Variants in DGKZ observed in about 807,000 individuals in gnomAD.
DGKZ encodes diacylglycerol kinase zeta, also known as DAG kinase zeta.
A neutral mutation model predicts 142.5 loss-of-function variants in DGKZ; 45 were observed. The ratio of observed to expected loss-of-function variants is 0.32; its 90% confidence interval spans 0.25 to 0.40. The LOEUF (loss-of-function observed/expected upper bound fraction) is 0.40. Ranked by LOEUF, DGKZ falls within the 10% of genes least tolerant of loss-of-function variation. DGKZ has a pLI of 1.00. For missense variants in DGKZ, 755 were observed against 1,306.5 expected, an observed-to-expected ratio of 0.58 and a Z score of 6.51; for synonymous variants, 442 against 527.0, an observed-to-expected ratio of 0.84 and a Z score of 2.21.
At chr11:46,345,807 T>C (rs1014959085), upstream of DGKZ, among the ~76,000 whole-genome samples, 3 of 152,062 alleles carry the variant, frequency 2.0e-5, no homozygotes, top group African/African-American at 4.8e-5. The surrounding 1 kb of genome is among the most constrained non-coding windows in gnomAD (Gnocchi z 4.1). Flanking sequence ...TTGAGCAAGC[T>C]AGCAGTGGGG....
chr11:46,334,438 G>A (rs940282501), intron 1 of DGKZ, among the ~76,000 whole-genome samples: 2 of 152,218 alleles, frequency 1.3e-5, no homozygotes, highest in African/African-American at 4.8e-5. Context: ...ACCATGGGGT[G>A]TTTGGGATAT....
rs539013317 is a variant in DGKZ at position 46,350,356 on chromosome 11, CTTTG to C, written c.161+2547_161+2550del. Reference sequence around the variant, plus strand: ...AATGCTGCTTGGCTGGTCCTGCTACCTTTGTTTGTTTGTTGCAGCCTCAGGTAAA... The same window carrying C: ...AATGCTGCTTGGCTGGTCCTGCTACCTTTGTTTGTTGCAGCCTCAGGTAAA... On this transcript the variant is annotated intron_variant, in intron 1 of 30. Transcript: ENST00000527911. Among the ~76,000 whole-genome samples the C allele has an allele frequency of 3.3e-3, 495 of 152,266 alleles. 2 individuals are homozygous for C. Among genetic ancestry groups the C allele is most frequent in the South Asian group, 0.016 (77 of 4,820 alleles).
chr11:46,343,269 T>C (rs1310748824), upstream of DGKZ, among the ~76,000 whole-genome samples: 3 of 152,244 alleles, frequency 2.0e-5, no homozygotes, highest in African/African-American at 7.2e-5. Flanking sequence ...CATTGTTTTA[T>C]GATTACTGAG....
upstream of DGKZ, among the ~76,000 whole-genome samples, chr11:46,346,406 G>T (rs1590390368): frequency 6.6e-6 from 1 of 152,134 alleles, no homozygotes; most frequent in African/African-American, 2.4e-5. Context: ...GCCCTGCGGG[G>T]GCCATCAGAA....
chr11:46,364,245 C>G, intron 1 of DGKZ: 2 of 746,772 alleles, frequency 2.7e-6, no homozygotes, highest in Non-Finnish European at 4.1e-6. Context: ...TCTAGGCGGT[C>G]ACCTCTGCGT....
Position 46,372,178 on chromosome 11 carries a change from C to A in DGKZ, c.927+8C>A. On this transcript the variant is annotated splice_region_variant and intron_variant, in intron 10 of 30. Coordinates refer to ENST00000527911, the Ensembl canonical transcript of DGKZ. This position sits in a 1 kb window ranked among gnomAD's most constrained non-coding sequence, Gnocchi z 5.9. Reference sequence around the variant, plus strand: ...AAGAGTGGGGGCAACCAGGTGAACGCGGCCTTGCCTCTCAGCTAAGGGCTC... The same window carrying A: ...AAGAGTGGGGGCAACCAGGTGAACGAGGCCTTGCCTCTCAGCTAAGGGCTC... 2 of 1,599,490 alleles carry A rather than the reference C, an allele frequency of 1.3e-6. No homozygotes were observed. The highest frequency in any genetic ancestry group is 1.7e-5 in the Admixed American group (1 of 58,984).
intron 1 of DGKZ, among the ~76,000 whole-genome samples, chr11:46,357,390 A>T (rs1730059707): frequency 6.6e-6 from 1 of 152,082 alleles, no homozygotes; most frequent in African/African-American, 2.4e-5. Context: ...TCCAGGTGTC[A>T]CTCTTGGGGT....
chr11:46,353,030 G>A (rs982934966), intron 1 of DGKZ, among the ~76,000 whole-genome samples: 1 of 152,226 alleles, frequency 6.6e-6, no homozygotes, highest in Non-Finnish European at 1.5e-5. Context: ...TGAGACCAAG[G>A]GCTCTGTGGC....
At chr11:46,375,083 G>C (rs956047885) in intron 19 of DGKZ, 38 bp downstream of exon 19, 5 of 1,524,954 alleles carry the variant, frequency 3.3e-6, no homozygotes, top group Non-Finnish European at 4.4e-6. Context: ...TGGGAGCACA[G>C]CCCAAAGGTG....
chr11:46,377,263 T>C (rs774015743), intron 25 of DGKZ, 51 bp downstream of exon 25: 4 of 1,530,512 alleles, frequency 2.6e-6, no homozygotes, highest in Non-Finnish European at 3.5e-6. Context: ...GCCCCACCTG[T>C]AAGCCGATGA....
chr11:46,348,290 C>T (rs1308260256), intron 1 of DGKZ, among the ~76,000 whole-genome samples: 1 of 152,220 alleles, frequency 6.6e-6, no homozygotes, highest in Non-Finnish European at 1.5e-5. Flanking sequence ...ACCAGGTTGC[C>T]TACCATCACT....
At chr11:46,356,369 C>T (rs1017969100) in intron 1 of DGKZ, among the ~76,000 whole-genome samples, 42 of 152,134 alleles carry the variant, frequency 2.8e-4, no homozygotes, top group Non-Finnish European at 2.9e-4. Context: ...GTGCTGTCAG[C>T]GGGATCCATG....
At chr11:46,343,580 T>C (rs899765136), upstream of DGKZ, among the ~76,000 whole-genome samples, 4 of 152,230 alleles carry the variant, frequency 2.6e-5, no homozygotes. Context: ...GTCCTAAGAA[T>C]AAAGAGTGAA....
At chr11:46,375,183 C>A in intron 19 of DGKZ, 138 bp downstream of exon 19, 1 of 890,788 alleles carries the variant, frequency 1.1e-6, no homozygotes, top group Non-Finnish European at 1.7e-6. Flanking sequence ...GGCTTGAGAG[C>A]GGCACCTACC....
At chr11:46,357,558 T>C (rs1942174291) in intron 1 of DGKZ, among the ~76,000 whole-genome samples, 1 of 152,248 alleles carries the variant, frequency 6.6e-6, no homozygotes, top group Non-Finnish European at 1.5e-5. Flanking sequence ...CTTAAGGTGC[T>C]GGCCCCTCCC....
chr11:46,348,183 G>A (rs1233227646), intron 1 of DGKZ, among the ~76,000 whole-genome samples: 1 of 152,082 alleles, frequency 6.6e-6, no homozygotes, highest in African/African-American at 2.4e-5. Context: ...CCCAGGACTG[G>A]TCACCCACGC....
At chr11:46,363,659 C>T (rs910767034) in intron 1 of DGKZ, among the ~76,000 whole-genome samples, 1 of 152,224 alleles carries the variant, frequency 6.6e-6, no homozygotes, top group Admixed American at 6.5e-5. Context: ...GGTGCAGCGG[C>T]ACCTCCCCCC....
Position 46,372,405 on chromosome 11 carries a change from T to G in DGKZ, c.928-23T>G, listed in dbSNP as rs1944048886. Reference sequence around the variant, plus strand: ...TTCGTCCCACCACTGCCTGACTGTCTCTTGGCTCCCCATCCCATCCAGGGT... The same window carrying G: ...TTCGTCCCACCACTGCCTGACTGTCGCTTGGCTCCCCATCCCATCCAGGGT... On this transcript the variant is annotated intron_variant, in intron 10 of 30. Coordinates refer to ENST00000527911, the Ensembl canonical transcript of DGKZ. This position sits in a 1 kb window ranked among gnomAD's most constrained non-coding sequence, Gnocchi z 5.9. 1 of 1,613,250 alleles carries G rather than the reference T, an allele frequency of 6.2e-7. No individual in the cohort carries two copies. The highest frequency in any genetic ancestry group is 1.1e-5 in the South Asian group (1 of 91,074).
chr11:46,333,372 G>T, exon 1 of DGKZ: 2 of 1,381,732 alleles, frequency 1.4e-6, no homozygotes, highest in East Asian at 3.1e-5. Flanking sequence ...ATGCCGGCGC[G>T]GGGAGGAGGC....
Sources: gnomAD v4.1 joint callset for allele counts (sites outside exome capture counted in the v4.1 genomes callset) on GRCh38, gnomAD v4.1.1 for gene constraint, Gnocchi (gnomAD v3.1) non-coding constraint, MANE v1.5 for transcripts, NCBI Gene and HGNC (gene_info 2026-07-23, HGNC 2026-07-21) for gene names.